RNF220: variants seen among roughly 807,000 people sequenced by gnomAD.
RNF220 encodes the protein E3 ubiquitin-protein ligase RNF220.
In RNF220, 7 loss-of-function variants were observed where a neutral mutation model predicts 67.1. That is an observed-to-expected ratio of 0.10 (90% confidence interval 0.06 to 0.20). The LOEUF is 0.20. RNF220 is among the 10% of genes least tolerant of loss of function. The pLI is 1.00. For synonymous variants in RNF220, 270 were observed against 283.2 expected (o/e 0.95, Z 0.47); for missense variants, 565 against 740.3 (o/e 0.76, Z 2.75).
chr1:44,482,370 G>C lies in RNF220; in HGVS notation c.625+69648G>C, dbSNP rs187785474. ...GGAGGGGTGGAGGGCAGTTGCTGTGGTGAAGACATTTGAAGGAAGTGGGGA... is the reference window on the plus strand; with the variant it reads ...GGAGGGGTGGAGGGCAGTTGCTGTGCTGAAGACATTTGAAGGAAGTGGGGA... On this transcript the variant is annotated intron_variant, in intron 2 of 14. Transcript: ENST00000361799. Among the ~76,000 whole-genome samples, 20 of 152,288 alleles carry C rather than the reference G, an allele frequency of 1.3e-4. No homozygotes were observed. In the East Asian group the frequency reaches 2.9e-3, roughly 22 times the overall value.
At chr1:44,630,435 T>C (rs1298488898) in intron 5 of RNF220, among the ~76,000 whole-genome samples, 2 of 152,236 alleles carry the variant, frequency 1.3e-5, no homozygotes. Flanking sequence ...TGGCCCTAAA[T>C]CCGAGATTGT....
intron 2 of RNF220, among the ~76,000 whole-genome samples, chr1:44,429,752 C>T (rs74070499): frequency 0.053 from 8,034 of 152,112 alleles, 259 homozygotes; most frequent in African/African-American, 0.074. Context: ...AGGGTGGGGA[C>T]GTGTGGTTGG....
intron 2 of RNF220, among the ~76,000 whole-genome samples, chr1:44,525,505 G>C (rs1009989287): frequency 1.4e-4 from 22 of 152,146 alleles, no homozygotes; most frequent in African/African-American, 5.3e-4. Context: ...ACTGTGCCAG[G>C]TGCCTGTTTA....
At chr1:44,464,696 C>T (rs534737931) in intron 2 of RNF220, among the ~76,000 whole-genome samples, 11 of 152,210 alleles carry the variant, frequency 7.2e-5, no homozygotes, top group South Asian at 4.1e-4. Flanking sequence ...CCTCAACCCA[C>T]GAAAGCCTAT....
chr1:44,576,284 G>C lies in RNF220; in HGVS notation c.626-37881G>C, dbSNP rs190257133. 3.3e-5 allele frequency among the ~76,000 whole-genome samples: 5 copies of C among 152,174 alleles called. No individual in the cohort carries two copies. In the East Asian group the frequency reaches 9.7e-4, roughly 29 times the overall value. On this transcript the variant is annotated intron_variant, in intron 2 of 14. Transcript: ENST00000361799. ...ACCTTAGCTACCAGGGAGAATAGGG[G>C]GTGGCCAGGAGGAGTGAACTTTGTT...
intron 2 of RNF220, among the ~76,000 whole-genome samples, chr1:44,465,843 A>C (rs938986367): frequency 6.6e-6 from 1 of 152,224 alleles, no homozygotes; most frequent in African/African-American, 2.4e-5. Context: ...AAAAATGCTA[A>C]TGATCATCTG....
chr1:44,553,948 G>A (rs1662871363), intron 2 of RNF220, among the ~76,000 whole-genome samples: 2 of 152,192 alleles, frequency 1.3e-5, no homozygotes, highest in South Asian at 2.1e-4. Context: ...TTTCAGGAAA[G>A]GAATGCTAAC....
At chr1:44,571,651 T>C (rs270756) in intron 2 of RNF220, among the ~76,000 whole-genome samples, 51,690 of 152,154 alleles carry the variant, frequency 0.34, 9,822 homozygotes, top group African/African-American at 0.51. Context: ...TGATCTTCCA[T>C]GTAAATGCTA....
Position 44,622,627 on chromosome 1 carries a change from G to A in RNF220, c.759-115G>A. ...GGACTGGGTGGAGCTTGGCTGAGCT[G>A]GGCTGGGCTAGGCGGTCTATGCCTT... On this transcript the variant is annotated intron_variant, in intron 3 of 14. Transcript: ENST00000361799. This position sits in a 1 kb window ranked among gnomAD's most constrained non-coding sequence, Gnocchi z 4.3. The A allele has an allele frequency of 2.3e-6, 2 of 869,582 alleles. No homozygotes were observed. Among genetic ancestry groups the A allele is most frequent in the Non-Finnish European group, 3.8e-6 (2 of 525,680 alleles). 53.9% of individuals were successfully genotyped at this position (869,582 alleles called of 1,614,324 possible). A position where few individuals can be genotyped will look rare whatever the true frequency, so the allele number is the denominator to read the frequency against.
At chr1:44,406,785 CTT>C (rs2147788062) in intron 1 of RNF220, among the ~76,000 whole-genome samples, 1 of 151,026 alleles carries the variant, frequency 6.6e-6, no homozygotes, top group South Asian at 2.1e-4. Context: ...GCACAACAAA[CTT>C]GGGCGGAGAG....
intron 2 of RNF220, among the ~76,000 whole-genome samples, chr1:44,457,747 T>G (rs1020234254): frequency 6.6e-6 from 1 of 152,172 alleles, no homozygotes; most frequent in Non-Finnish European, 1.5e-5. Context: ...TGCTACTAGG[T>G]TGCTTAATCA....
chr1:44,414,078 C>CT (rs1363596795), intron 2 of RNF220, among the ~76,000 whole-genome samples: 1 of 152,216 alleles, frequency 6.6e-6, no homozygotes, highest in Non-Finnish European at 1.5e-5. Context: ...AGGGAGAAGG[C>CT]TGCTGGCTGA....
intron 2 of RNF220, among the ~76,000 whole-genome samples, chr1:44,512,728 C>G (rs1332399542): frequency 6.6e-6 from 1 of 152,194 alleles, no homozygotes; most frequent in Non-Finnish European, 1.5e-5. Flanking sequence ...AGTGGAGAGG[C>G]ATGCTGGGCA....
intron 2 of RNF220, among the ~76,000 whole-genome samples, chr1:44,457,890 G>A (rs910281603): frequency 9.2e-5 from 14 of 152,174 alleles, no homozygotes. Context: ...TTTATCAAGT[G>A]TGGAGTCCTT....
intron 2 of RNF220, among the ~76,000 whole-genome samples, chr1:44,496,189 A>G (rs1657333452): frequency 6.6e-6 from 1 of 152,056 alleles, no homozygotes; most frequent in South Asian, 2.1e-4. Context: ...AGGTGGAAGG[A>G]CAAATCAATT....
chr1:44,449,234 C>T (rs764462200), intron 2 of RNF220, among the ~76,000 whole-genome samples: 3 of 152,118 alleles, frequency 2.0e-5, no homozygotes, highest in African/African-American at 7.2e-5. Context: ...TCTTGGGATT[C>T]GATGAGATAG....
In RNF220 at chr1:44,632,388, G is replaced by A; in HGVS notation, c.949+3G>A. 1 of 1,613,002 alleles carries A rather than the reference G, an allele frequency of 6.2e-7. No homozygotes were observed. Among genetic ancestry groups the A allele is most frequent in the Non-Finnish European group, 8.5e-7 (1 of 1,179,706 alleles). ...CAACCGGCAGACCCGACTGAATGGT[G>A]AGTCCTGCCCGGCCCCTCCCTCCGC... On this transcript the variant is annotated splice_donor_region_variant and intron_variant, in intron 6 of 14. Transcript: ENST00000361799.
chr1:44,421,253 T>C (rs141928446), intron 2 of RNF220, among the ~76,000 whole-genome samples: 52 of 152,332 alleles, frequency 3.4e-4, no homozygotes, highest in African/African-American at 1.3e-3. Context: ...CATGGTATTT[T>C]CTTATTCTGA....
At chr1:44,488,532 C>G (rs1656549903) in intron 2 of RNF220, among the ~76,000 whole-genome samples, 2 of 152,192 alleles carry the variant, frequency 1.3e-5, no homozygotes, top group South Asian at 4.1e-4. Flanking sequence ...CCAGGCTGGT[C>G]TTGAGCTCCT....
Sources: allele counts gnomAD v4.1 joint callset (sites outside exome capture counted in the v4.1 genomes callset), GRCh38; gene constraint gnomAD v4.1.1; non-coding constraint Gnocchi (gnomAD v3.1); transcripts MANE v1.5; gene names NCBI Gene and HGNC (gene_info 2026-07-23, HGNC 2026-07-21).